NUAK1: variants seen among roughly 807,000 people sequenced by gnomAD.
The protein encoded by NUAK1 is NUAK family SNF1-like kinase 1.
In NUAK1, 26 loss-of-function variants were observed where a neutral mutation model predicts 56.9. That is an observed-to-expected ratio of 0.46 (90% CI 0.33 to 0.63). NUAK1 has a LOEUF of 0.63. NUAK1 is among the 30% of genes least tolerant of loss of function. The probability of loss-of-function intolerance (pLI) is 0.02; values close to 1 mark genes in which losing one functional copy is unlikely to be tolerated. For missense variants in NUAK1, 727 were observed against 876.1 expected, an observed-to-expected ratio of 0.83 and a Z score of 2.15; for synonymous variants, 337 against 336.0, an observed-to-expected ratio of 1.00 and a Z score of -0.03.
chr12:106,092,289 C>T (rs1397927748), intron 2 of NUAK1, among the ~76,000 whole-genome samples: 16 of 151,968 alleles, frequency 1.1e-4, no homozygotes, highest in Admixed American at 5.9e-4. Context: ...GAGGCCGAGG[C>T]GGGTGGATCA....
intron 1 of NUAK1, among the ~76,000 whole-genome samples, chr12:106,112,964 ATGATAT>A (rs1294542093): frequency 1.3e-5 from 2 of 152,174 alleles, no homozygotes; most frequent in Non-Finnish European, 2.9e-5. Context: ...GATTCCTGTG[ATGATAT>A]TGATTTCTCT....
At chr12:106,073,407 C>CA (rs1166007884) in intron 4 of NUAK1, among the ~76,000 whole-genome samples, 7 of 152,160 alleles carry the variant, frequency 4.6e-5, no homozygotes, top group African/African-American at 1.7e-4. Context: ...AATTGACTCA[C>CA]AGCATTGGGT....
intron 1 of NUAK1, among the ~76,000 whole-genome samples, chr12:106,127,173 T>G (rs1288417580): frequency 6.6e-6 from 1 of 152,202 alleles, no homozygotes; most frequent in Non-Finnish European, 1.5e-5. Context: ...CTTTTTATTT[T>G]CTTTTATTTG....
intron 3 of NUAK1, 102 bp from the exon 4 acceptor site, chr12:106,084,031 A>G: frequency 1.0e-6 from 1 of 987,052 alleles, no homozygotes; most frequent in Non-Finnish European, 1.6e-6. Flanking sequence ...TGTCTGACAG[A>G]TTAAAGAAAT....
chr12:106,078,802 C>G (rs924204605), intron 4 of NUAK1, among the ~76,000 whole-genome samples: 2 of 152,198 alleles, frequency 1.3e-5, no homozygotes, highest in Non-Finnish European at 2.9e-5. Context: ...TGTTAATTAG[C>G]AGCCAGTGCC....
At chr12:106,127,062 G>A (rs1192370567) in intron 1 of NUAK1, among the ~76,000 whole-genome samples, 3 of 152,230 alleles carry the variant, frequency 2.0e-5, no homozygotes, top group Non-Finnish European at 4.4e-5. Flanking sequence ...CTCAGAGTGT[G>A]TGTGGTCCAT....
At chr12:106,087,232 C>G (rs1433783395) in intron 2 of NUAK1, among the ~76,000 whole-genome samples, 3 of 152,212 alleles carry the variant, frequency 2.0e-5, no homozygotes, top group African/African-American at 7.2e-5. Flanking sequence ...ACAAACACAA[C>G]CAATAATTTA....
chr12:106,122,619 A>G (rs187745810), intron 1 of NUAK1, among the ~76,000 whole-genome samples: 41 of 152,346 alleles, frequency 2.7e-4, no homozygotes, highest in Admixed American at 2.2e-3. Context: ...GAGAAGGTAT[A>G]GACGAGAGAA....
intron 1 of NUAK1, among the ~76,000 whole-genome samples, chr12:106,131,868 C>T (rs1295753014): frequency 1.3e-5 from 2 of 152,196 alleles, no homozygotes; most frequent in African/African-American, 2.4e-5. Flanking sequence ...TTCAGCCAGA[C>T]TCCATTCACG....
intron 2 of NUAK1, among the ~76,000 whole-genome samples, chr12:106,088,136 C>T (rs1348960272): frequency 2.0e-5 from 3 of 152,234 alleles, no homozygotes; most frequent in Admixed American, 6.5e-5. Context: ...CCACAAATGA[C>T]AGGCTGTCCA....
intron 2 of NUAK1, among the ~76,000 whole-genome samples, chr12:106,101,198 C>A (rs1267998986): frequency 6.6e-6 from 1 of 152,112 alleles, no homozygotes; most frequent in East Asian, 1.9e-4. Flanking sequence ...TGGAAAAGGC[C>A]AGGCTGAGGT....
chr12:106,077,620 C>T (rs2032477405), intron 4 of NUAK1, among the ~76,000 whole-genome samples: 1 of 152,168 alleles, frequency 6.6e-6, no homozygotes, highest in African/African-American at 2.4e-5. Flanking sequence ...AGCCTTGCCT[C>T]GTACCAGCAT....
chr12:106,094,606 A>G (rs1385643385), intron 2 of NUAK1, among the ~76,000 whole-genome samples: 1 of 152,230 alleles, frequency 6.6e-6, no homozygotes, highest in African/African-American at 2.4e-5. Context: ...GATTCAGTGC[A>G]GTTCCTGGTT....
intron 2 of NUAK1, chr12:106,103,501 A>T (rs1435022521): frequency 6.6e-6 from 1 of 152,042 alleles, no homozygotes; most frequent in Admixed American, 6.6e-5. Context: ...ACATATTCAG[A>T]TTTTATCTTA....
At chr12:106,121,385 T>C (rs893434187) in intron 1 of NUAK1, among the ~76,000 whole-genome samples, 1 of 152,144 alleles carries the variant, frequency 6.6e-6, no homozygotes, top group African/African-American at 2.4e-5. Flanking sequence ...TTTTCAAGGT[T>C]CTCCCACGTG....
intron 4 of NUAK1, among the ~76,000 whole-genome samples, chr12:106,079,474 A>T (rs2136459572): frequency 6.6e-6 from 1 of 152,296 alleles, no homozygotes; most frequent in East Asian, 1.9e-4. Flanking sequence ...AGGGAGAAGG[A>T]TCAGGGAAGG....
At chr12:106,068,145 A>G (rs1465349879) in intron 6 of NUAK1, among the ~76,000 whole-genome samples, 190 bp from the exon 7 acceptor site, 1 of 152,144 alleles carries the variant, frequency 6.6e-6, no homozygotes, top group Non-Finnish European at 1.5e-5. Context: ...CATAATCAAG[A>G]CTTGGAACCA....
At chr12:106,124,223 GAAT>G (rs1290271065) in intron 1 of NUAK1, among the ~76,000 whole-genome samples, 1 of 152,058 alleles carries the variant, frequency 6.6e-6, no homozygotes, top group Non-Finnish European at 1.5e-5. Flanking sequence ...CAACTAGCAG[GAAT>G]AATAATAAAC....
intron 4 of NUAK1, among the ~76,000 whole-genome samples, chr12:106,073,482 G>T (rs2032427732): frequency 6.6e-6 from 1 of 152,110 alleles, no homozygotes; most frequent in Non-Finnish European, 1.5e-5. Context: ...TTGAGCCTCA[G>T]TTTACCCACC....
Sources: allele counts gnomAD v4.1 joint callset (sites outside exome capture counted in the v4.1 genomes callset), GRCh38; gene constraint gnomAD v4.1.1; transcripts MANE v1.5; gene names NCBI Gene and HGNC (gene_info 2026-07-23, HGNC 2026-07-21).